The following CDH8 variants were observed in gnomAD, a reference collection of about 807,000 sequenced individuals.
The protein encoded by CDH8 is cadherin 8, also known as cadherin-8.
In CDH8, 17 loss-of-function variants were observed where a neutral mutation model predicts 68.1. That is an observed-to-expected ratio of 0.25 (90% confidence interval 0.17 to 0.37). The LOEUF (loss-of-function observed/expected upper bound fraction) is 0.37, where lower values mean the gene tolerates loss of function less well. Among genes scored for constraint, CDH8 ranks in the 10% least tolerant of loss-of-function variants. The pLI, the probability that CDH8 is intolerant of heterozygous loss-of-function variation, is 1.00. For missense variants in CDH8, 763 were observed against 999.3 expected (o/e 0.76, Z 3.19); for synonymous variants, 372 against 365.1 (o/e 1.02, Z -0.21).
At chr16:62,006,703 A>G (rs149333724) in intron 2 of CDH8, among the ~76,000 whole-genome samples, 2,000 of 152,328 alleles carry the variant, frequency 0.013, 26 homozygotes, top group African/African-American at 0.032. Context: ...GTTAAAAATA[A>G]AAGGTTTTAT....
chr16:61,680,099 C>A (rs143264272), intron 10 of CDH8, among the ~76,000 whole-genome samples: 1 of 151,992 alleles, frequency 6.6e-6, no homozygotes, highest in African/African-American at 2.4e-5. Context: ...GTCCATCAAC[C>A]ATATCCCTGC....
rs763375883 is a variant in CDH8, at chr16:62,021,376, A to G, written c.28T>C (p.Leu10=). ...ATTATTAATGGAGTCCAGAGATCCA[A>G]GAGCATTTCCGCTAGCCGTTCTGGC... MPERLAEML[L]DLWTPLIILW... Residue 10 remains leucine, a synonymous_variant, in exon 2 of 12, where the codon TTG becomes CTG. Transcript: ENST00000577390. 3.1e-6 allele frequency: 5 copies of G among 1,611,808 alleles called. No individual in the cohort carries two copies. In the East Asian group the frequency reaches 1.1e-4, roughly 36 times the overall value.
At chr16:61,857,567 T>C (rs1450021889) in intron 3 of CDH8, among the ~76,000 whole-genome samples, 2 of 152,146 alleles carry the variant, frequency 1.3e-5, no homozygotes, top group South Asian at 2.1e-4. Context: ...ATATGAAATA[T>C]AAGGTTAATA....
At chr16:61,698,357 G>T (rs1890360543) in intron 10 of CDH8, among the ~76,000 whole-genome samples, 1 of 152,174 alleles carries the variant, frequency 6.6e-6, no homozygotes, top group Non-Finnish European at 1.5e-5. Flanking sequence ...GTGGGAAATG[G>T]TTTCTTCGTC....
At chr16:61,779,269 A>G (rs986902508) in intron 8 of CDH8, among the ~76,000 whole-genome samples, 1 of 152,120 alleles carries the variant, frequency 6.6e-6, no homozygotes, top group Non-Finnish European at 1.5e-5. Context: ...CAGAGACTCT[A>G]TTCTAAGCAA....
intron 8 of CDH8, among the ~76,000 whole-genome samples, chr16:61,754,411 G>T (rs1311973505): frequency 6.6e-6 from 1 of 152,002 alleles, no homozygotes; most frequent in Non-Finnish European, 1.5e-5. Flanking sequence ...TAATAGCTAG[G>T]TTGATTGTTG....
intron 2 of CDH8, among the ~76,000 whole-genome samples, chr16:61,993,166 C>T (rs1194850372): frequency 6.6e-6 from 1 of 152,274 alleles, no homozygotes; most frequent in African/African-American, 2.4e-5. Context: ...CTGCAGAAAG[C>T]ATCTGGATTT....
intron 4 of CDH8, among the ~76,000 whole-genome samples, chr16:61,836,852 T>C (rs1404740455): frequency 6.6e-6 from 1 of 152,008 alleles, no homozygotes; most frequent in Non-Finnish European, 1.5e-5. Flanking sequence ...GTGAAAGGTG[T>C]TCAAGTACTG....
chr16:61,760,042 G>A (rs1960423226), intron 8 of CDH8, among the ~76,000 whole-genome samples: 1 of 151,792 alleles, frequency 6.6e-6, no homozygotes, highest in Admixed American at 6.6e-5. Flanking sequence ...CCCAACCCAA[G>A]GAAACGTTTA....
intron 10 of CDH8, among the ~76,000 whole-genome samples, chr16:61,660,286 G>A (rs1963530037): frequency 6.6e-6 from 1 of 151,654 alleles, no homozygotes; most frequent in Non-Finnish European, 1.5e-5. Flanking sequence ...AAAAACAGCT[G>A]GCAAAAAGAA....
intron 2 of CDH8, among the ~76,000 whole-genome samples, chr16:61,995,078 G>T (rs980826090): frequency 2.6e-5 from 4 of 152,190 alleles, no homozygotes; most frequent in Admixed American, 2.0e-4. Flanking sequence ...TAGCTGTCTT[G>T]TTCCTAGCCA....
At chr16:61,955,782 T>C (rs553973186) in intron 2 of CDH8, among the ~76,000 whole-genome samples, 1 of 152,316 alleles carries the variant, frequency 6.6e-6, no homozygotes, top group South Asian at 2.1e-4. Context: ...CTTGTAAAGA[T>C]GCATCTTCTA....
intron 8 of CDH8, among the ~76,000 whole-genome samples, chr16:61,755,442 TAAAC>T (rs756024370): frequency 2.0e-5 from 3 of 152,170 alleles, no homozygotes; most frequent in Non-Finnish European, 2.9e-5. Flanking sequence ...GTAGTGTGTA[TAAAC>T]ATGTATTCAT....
chr16:61,790,727 C>G (rs1961357412), intron 7 of CDH8, among the ~76,000 whole-genome samples: 1 of 151,892 alleles, frequency 6.6e-6, no homozygotes, highest in Non-Finnish European at 1.5e-5. Context: ...TAATTTTGCA[C>G]TGTTAATATT....
intron 7 of CDH8, 74 bp from the exon 8 acceptor site, chr16:61,789,556 A>C: frequency 7.6e-7 from 1 of 1,321,476 alleles, no homozygotes; most frequent in Non-Finnish European, 1.0e-6. Flanking sequence ...ACCTTTAGTA[A>C]TCCTTGGAGA....
chr16:61,948,185 A>T (rs1964829829), intron 2 of CDH8, among the ~76,000 whole-genome samples: 1 of 152,204 alleles, frequency 6.6e-6, no homozygotes, highest in Admixed American at 6.5e-5. Flanking sequence ...GAAGAGACAG[A>T]TATTAAAATA....
intron 10 of CDH8, among the ~76,000 whole-genome samples, chr16:61,683,275 C>G (rs777581079): frequency 1.8e-4 from 28 of 151,792 alleles, no homozygotes; most frequent in Non-Finnish European, 1.2e-4. Context: ...CCCCATAGGA[C>G]TATTAGAAAT....
chr16:61,685,854 C>G (rs1181779273), intron 10 of CDH8, among the ~76,000 whole-genome samples: 2 of 151,924 alleles, frequency 1.3e-5, no homozygotes, highest in African/African-American at 4.8e-5. Context: ...GGCTCTAAAT[C>G]AAAGCACAAC....
At chr16:61,742,321 G>A (rs947736972) in intron 8 of CDH8, among the ~76,000 whole-genome samples, 5 of 151,794 alleles carry the variant, frequency 3.3e-5, no homozygotes, top group East Asian at 1.9e-4. Flanking sequence ...CTCTCTTTCC[G>A]ATATTTATGC....
Sources: allele counts gnomAD v4.1 joint callset (sites outside exome capture counted in the v4.1 genomes callset), GRCh38; gene constraint gnomAD v4.1.1; transcripts MANE v1.5; gene names NCBI Gene and HGNC (gene_info 2026-07-23, HGNC 2026-07-21).